DTHD1: variants seen among roughly 807,000 people sequenced by gnomAD.
DTHD1 encodes the protein death domain containing 1.
Under a neutral mutation model 74.8 loss-of-function variants are expected in DTHD1, and 59 were observed. That is an observed-to-expected ratio of 0.79 (90% CI 0.64 to 0.98). The LOEUF is 0.98. Among genes scored for constraint, DTHD1 ranks in the 50% least tolerant of loss-of-function variants. The pLI is 0.00. For missense variants in DTHD1, 1,051 were observed against 1,065.4 expected (o/e 0.99, Z 0.19); for synonymous variants, 365 against 371.1 (o/e 0.98, Z 0.19).
chr4:36,343,913 T>C lies in DTHD1; in HGVS notation c.*89T>C. ...CATTTTCCTGGAAGTTTCCGAATGA[T>C]ATTATTTGAAGTCAGTCTATTTAAT... On this transcript the variant is annotated 3_prime_UTR_variant, in exon 10 of 10. Transcript: ENST00000639862. The C allele has an allele frequency of 8.0e-7, 1 of 1,255,480 alleles. No homozygotes were observed. The allele number at this position is 1,255,480 out of a possible 1,614,324, so 77.8% of individuals were successfully genotyped here. A position where few individuals can be genotyped will look rare whatever the true frequency, so the allele number is the denominator to read the frequency against.
intron 7 of DTHD1, among the ~76,000 whole-genome samples, chr4:36,314,623 A>C (rs1337043927): frequency 6.6e-6 from 1 of 151,352 alleles, no homozygotes; most frequent in Non-Finnish European, 1.5e-5. Flanking sequence ...TGGAGGTTTT[A>C]GTGAGCTGAG....
At chr4:36,299,130 C>G (rs558036942) in intron 5 of DTHD1, among the ~76,000 whole-genome samples, 12 of 152,116 alleles carry the variant, frequency 7.9e-5, no homozygotes, top group Admixed American at 4.6e-4. Context: ...TTCAATTATT[C>G]TTTTGCTTTT....
At chr4:36,288,946 A>T (rs1755890150) in intron 2 of DTHD1, among the ~76,000 whole-genome samples, 1 of 152,202 alleles carries the variant, frequency 6.6e-6, no homozygotes, top group Non-Finnish European at 1.5e-5. Flanking sequence ...TCACCAAAGA[A>T]TACTCAAGCA....
chr4:36,327,343 G>A (rs1198286743), intron 8 of DTHD1, among the ~76,000 whole-genome samples: 1 of 152,146 alleles, frequency 6.6e-6, no homozygotes, highest in Non-Finnish European at 1.5e-5. Flanking sequence ...AATAAATAGG[G>A]ACAGGATTAA....
chr4:36,340,635 T>C (rs909718385), intron 9 of DTHD1, among the ~76,000 whole-genome samples: 2 of 152,196 alleles, frequency 1.3e-5, no homozygotes, highest in Non-Finnish European at 2.9e-5. Context: ...TTTAGAAATA[T>C]GACATTTGTA....
chr4:36,316,500 C>T lies in DTHD1; in HGVS notation c.2340+14C>T, dbSNP rs986040141. The T allele has an allele frequency of 3.9e-6, 6 of 1,541,082 alleles. No homozygotes were observed. The African/African-American group carries it at 8.3e-5, about 21-fold the overall frequency. ...AAATTGCCAAAGGTGAGTTATTTTA[C>T]TTTTCTAATTACTACATTTTGTTAA... On this transcript the variant is annotated intron_variant, in intron 8 of 9. Coordinates refer to ENST00000639862, the MANE Select transcript of DTHD1 (RefSeq NM_001170700.3).
chr4:36,324,144 C>T (rs547996928), intron 8 of DTHD1, among the ~76,000 whole-genome samples: 10 of 152,016 alleles, frequency 6.6e-5, no homozygotes, highest in African/African-American at 2.4e-4. Context: ...TCCTCCCCCC[C>T]ATTCCTTTCT....
chr4:36,327,688 T>G (rs994147780), intron 8 of DTHD1, among the ~76,000 whole-genome samples: 1 of 152,198 alleles, frequency 6.6e-6, no homozygotes, highest in African/African-American at 2.4e-5. Context: ...ATTTAGTAGG[T>G]AAAAAATGAA....
intron 8 of DTHD1, among the ~76,000 whole-genome samples, chr4:36,336,798 AG>A (rs1273243976): frequency 1.3e-5 from 2 of 152,248 alleles, no homozygotes; most frequent in African/African-American, 4.8e-5. Flanking sequence ...CAAGGCTAAA[AG>A]CAAGAAAAGA....
Position 36,347,127 on chromosome 4 carries a change from A to T in DTHD1, c.*3303A>T, listed in dbSNP as rs973649176. 5.3e-5 allele frequency among the ~76,000 whole-genome samples: 8 copies of T among 152,184 alleles called. No homozygotes were observed. The highest frequency in any genetic ancestry group is 1.9e-4 in the African/African-American group (8 of 41,458). On this transcript the variant is annotated 3_prime_UTR_variant, in exon 10 of 10. Transcript: ENST00000639862. ...GTCATATATTATATATACAGTTTTT[A>T]AAATTACTGTCTTATTAAATTATGA... is the stretch of plus-strand genomic sequence containing the variant.
intron 5 of DTHD1, among the ~76,000 whole-genome samples, chr4:36,303,756 T>G (rs546244333): frequency 1.3e-5 from 2 of 152,236 alleles, no homozygotes; most frequent in East Asian, 3.9e-4. Flanking sequence ...ATAGCAAAAC[T>G]CTCAAATCCC....
intron 5 of DTHD1, among the ~76,000 whole-genome samples, chr4:36,303,178 GT>G: frequency 6.6e-6 from 1 of 152,222 alleles, no homozygotes; most frequent in East Asian, 1.9e-4. Flanking sequence ...CTTTTATGGA[GT>G]TTGATCAAGT....
chr4:36,306,654 T>C (rs1216763262), intron 6 of DTHD1, among the ~76,000 whole-genome samples: 1 of 152,204 alleles, frequency 6.6e-6, no homozygotes, highest in Non-Finnish European at 1.5e-5. Context: ...AATTAACTGT[T>C]CATATTATGC....
At chr4:36,331,032 CTAT>C (rs199514932) in intron 8 of DTHD1, among the ~76,000 whole-genome samples, 338 of 151,976 alleles carry the variant, frequency 2.2e-3, no homozygotes, top group African/African-American at 7.8e-3. Context: ...ATAACCTTTA[CTAT>C]TATTATTATT....
At chr4:36,312,612 G>T (rs1338624979) in intron 7 of DTHD1, among the ~76,000 whole-genome samples, 1 of 151,852 alleles carries the variant, frequency 6.6e-6, no homozygotes, top group East Asian at 1.9e-4. Context: ...CTCTAAGCGG[G>T]TGAGGAAGCA....
intron 5 of DTHD1, among the ~76,000 whole-genome samples, chr4:36,304,434 T>A (rs776907316): frequency 1.7e-4 from 26 of 152,188 alleles, no homozygotes; most frequent in Non-Finnish European, 3.4e-4. Context: ...AGTAAGAAGT[T>A]TTCAGAGTAG....
chr4:36,333,232 G>A (rs61796639), intron 8 of DTHD1, among the ~76,000 whole-genome samples: 34,074 of 151,650 alleles, frequency 0.22, 4,200 homozygotes, highest in Non-Finnish European at 0.25. Context: ...TTACATATAT[G>A]TGAAATATAC....
At chr4:36,305,545 T>C (rs1406378603) in intron 5 of DTHD1, among the ~76,000 whole-genome samples, 2 of 152,222 alleles carry the variant, frequency 1.3e-5, no homozygotes, top group African/African-American at 4.8e-5. Context: ...GTGGGAATTA[T>C]GGAAGCTACA....
At chr4:36,301,107 T>G (rs1208747297) in intron 5 of DTHD1, among the ~76,000 whole-genome samples, 2 of 152,164 alleles carry the variant, frequency 1.3e-5, no homozygotes, top group Non-Finnish European at 2.9e-5. Flanking sequence ...AAAAATCTTT[T>G]GAATATTGTT....
Sources: gnomAD v4.1 joint callset for allele counts (sites outside exome capture counted in the v4.1 genomes callset) on GRCh38, gnomAD v4.1.1 for gene constraint, MANE v1.5 for transcripts, NCBI Gene and HGNC (gene_info 2026-07-23, HGNC 2026-07-21) for gene names.